CACNA1C: variants seen among roughly 807,000 people sequenced by gnomAD.
CACNA1C encodes the protein calcium voltage-gated channel subunit alpha1 C.
A neutral mutation model predicts 229.0 loss-of-function variants in CACNA1C; 30 were observed. The observed-to-expected ratio is 0.13, with a 90% CI of 0.10 to 0.18. CACNA1C has a LOEUF of 0.18. Among genes scored for constraint, CACNA1C ranks in the 10% least tolerant of loss-of-function variants. The probability of loss-of-function intolerance (pLI) is 1.00; values close to 1 mark genes in which losing one functional copy is unlikely to be tolerated. For synonymous variants in CACNA1C, 1,114 were observed against 1,132.5 expected, an observed-to-expected ratio of 0.98 and a Z score of 0.33; for missense variants, 1,658 against 2,845.0, an observed-to-expected ratio of 0.58 and a Z score of 9.49.
chr12:2,572,039 T>C (rs974389637), intron 13 of CACNA1C, among the ~76,000 whole-genome samples: 1 of 3,536 alleles, frequency 2.8e-4, no homozygotes, highest in African/African-American at 9.2e-4. Context: ...TTTCTTCTCT[T>C]TTTTTTTTTT....
At chr12:2,505,052 AG>A (rs2099768539) in intron 8 of CACNA1C, 107 bp downstream of exon 8, 21 of 683,104 alleles carry the variant, frequency 3.1e-5, no homozygotes. Context: ...ACCTGGGATA[AG>A]GGGTCACCAC....
intron 3 of CACNA1C, among the ~76,000 whole-genome samples, chr12:2,187,296 T>G (rs558803258): frequency 6.6e-6 from 1 of 152,226 alleles, no homozygotes; most frequent in African/African-American, 2.4e-5. Flanking sequence ...GGCTCGGAGT[T>G]CTAATCCACC....
chr12:2,195,868 T>C (rs753814047), intron 3 of CACNA1C, among the ~76,000 whole-genome samples: 11 of 152,204 alleles, frequency 7.2e-5, no homozygotes, highest in Non-Finnish European at 1.5e-5. Flanking sequence ...AGTCCACTCC[T>C]TCATTTTATG....
rs564654177 is a variant in CACNA1C, at chr12:2,352,215, G to A, written c.478-96761G>A. ...CACTGTGGGCCTTGGCAGAGGCACC[G>A]ACTTGAAGACATTACTTTCTTCTCC... is the stretch of plus-strand genomic sequence containing the variant. On this transcript the variant is annotated intron_variant, in intron 3 of 46. Coordinates refer to ENST00000399655, the MANE Select transcript of CACNA1C (RefSeq NM_000719.7). 4.6e-5 allele frequency among the ~76,000 whole-genome samples: 7 copies of A among 152,270 alleles called. No homozygotes were observed. The East Asian group carries it at 9.6e-4, about 21-fold the overall frequency.
At chr12:2,409,427 T>G (rs548286574) in intron 3 of CACNA1C, among the ~76,000 whole-genome samples, 2 of 152,192 alleles carry the variant, frequency 1.3e-5, no homozygotes, top group Non-Finnish European at 2.9e-5. Flanking sequence ...AAGAGCACCG[T>G]CAGACCAGGA....
chr12:2,392,946 G>A (rs2098510840), intron 3 of CACNA1C, among the ~76,000 whole-genome samples: 1 of 152,188 alleles, frequency 6.6e-6, no homozygotes, highest in Non-Finnish European at 1.5e-5. Context: ...GTGTCCGTAA[G>A]AACCCTGTGT....
intron 9 of CACNA1C, among the ~76,000 whole-genome samples, chr12:2,522,949 C>T (rs567758150): frequency 8.5e-5 from 13 of 152,150 alleles, no homozygotes; most frequent in East Asian, 1.9e-4. Flanking sequence ...TTGCTCCCTC[C>T]GTACCATGCT....
At chr12:2,425,197 G>A (rs2099017738) in intron 3 of CACNA1C, among the ~76,000 whole-genome samples, 2 of 152,224 alleles carry the variant, frequency 1.3e-5, no homozygotes, top group South Asian at 4.1e-4. Flanking sequence ...CTACTAGAAT[G>A]CTATAAGGTT....
intron 2 of CACNA1C, 106 bp downstream of exon 2, chr12:2,115,651 A>G: frequency 6.3e-6 from 7 of 1,114,858 alleles, no homozygotes; most frequent in Non-Finnish European, 9.2e-6. Context: ...CTGGGCTACA[A>G]ACGGGGCCTC....
Position 2,053,035 on chromosome 12 carries a change from TCGGCGCGGCGCGGCGGGCC to T in CACNA1C, c.-524_-506del, listed in dbSNP as rs1382472657. ...GAAACAGCTCCTGCCAGAGCGGCGCTCGGCGCGGCGCGGCGGGCCCGGAGCGGCGGCGGCGGCTCTTCCT... is the reference window on the plus strand; with the variant it reads ...GAAACAGCTCCTGCCAGAGCGGCGCTCGGAGCGGCGGCGGCGGCTCTTCCT... On this transcript the variant is annotated 5_prime_UTR_variant, in exon 1 of 47. Coordinates refer to ENST00000399655, the MANE Select transcript of CACNA1C (RefSeq NM_000719.7). This position sits in a 1 kb window ranked among gnomAD's most constrained non-coding sequence, Gnocchi z 5.8. 1 of 983,718 alleles carries T rather than the reference TCGGCGCGGCGCGGCGGGCC, an allele frequency of 1.0e-6. No homozygotes were observed. The highest frequency in any genetic ancestry group is 1.2e-6 in the Non-Finnish European group (1 of 829,380). The allele number at this position is 983,718 out of a possible 1,614,324, so 60.9% of individuals were successfully genotyped here. A position where few individuals can be genotyped will look rare whatever the true frequency, so the allele number is the denominator to read the frequency against.
chr12:2,321,167 A>G (rs2095973906), intron 3 of CACNA1C, among the ~76,000 whole-genome samples: 1 of 151,884 alleles, frequency 6.6e-6, no homozygotes. Context: ...AACTGCTTCA[A>G]ATCCTCCTAC....
At chr12:2,574,735 C>T (rs930769021) in intron 13 of CACNA1C, among the ~76,000 whole-genome samples, 1 of 152,230 alleles carries the variant, frequency 6.6e-6, no homozygotes, top group African/African-American at 2.4e-5. Context: ...CCTTCTAGCC[C>T]CCACTCTTCT....
chr12:2,448,887 C>A, intron 3 of CACNA1C, 89 bp from the exon 4 acceptor site: 2 of 1,122,020 alleles, frequency 1.8e-6, no homozygotes, highest in Non-Finnish European at 2.6e-6. Flanking sequence ...CATTATCTTC[C>A]ACCTACTTGT....
chr12:2,067,465 T>TG lies in CACNA1C; in HGVS notation c.49+13855dup, dbSNP rs1305960576. Among the ~76,000 whole-genome samples the TG allele has an allele frequency of 8.4e-6, 1 of 118,546 alleles. No homozygotes were observed. The highest frequency in any genetic ancestry group is 2.5e-4 in the East Asian group (1 of 3,932). 77.8% of individuals were successfully genotyped at this position (118,546 alleles called of 152,430 possible). A position where few individuals can be genotyped will look rare whatever the true frequency, so the allele number is the denominator to read the frequency against. On this transcript the variant is annotated intron_variant, in intron 1 of 46. Transcript: ENST00000399655. This position sits in a 1 kb window ranked among gnomAD's most constrained non-coding sequence, Gnocchi z 5.3. ...TAGGATGCACGTGTGTGTGTGTGTG[T>TG]GTGTGTGTGTGTGTGTGCGCGCGTG...
chr12:2,450,944 C>G (rs1249022785), intron 4 of CACNA1C, among the ~76,000 whole-genome samples: 1 of 152,176 alleles, frequency 6.6e-6, no homozygotes, highest in South Asian at 2.1e-4. Context: ...AGATCATTTG[C>G]AAGTTATTTC....
At chr12:2,378,803 TTC>T in intron 3 of CACNA1C, among the ~76,000 whole-genome samples, 1 of 138,560 alleles carries the variant, frequency 7.2e-6, no homozygotes, top group Non-Finnish European at 1.6e-5. Flanking sequence ...CCTTCCTTCC[TTC>T]CTTCCTTCCT....
chr12:2,023,723 CA>C (rs2046855270), intron 1 of CACNA1C, among the ~76,000 whole-genome samples: 1 of 152,154 alleles, frequency 6.6e-6, no homozygotes, highest in Non-Finnish European at 1.5e-5. Flanking sequence ...TCCAGTTTGA[CA>C]AAAATGTGCC....
chr12:2,691,325 G>A lies in CACNA1C; in HGVS notation c.*126G>A. 9.7e-7 allele frequency: 1 copy of A among 1,030,158 alleles called. No homozygotes were observed. The highest frequency in any genetic ancestry group is 1.3e-6 in the Non-Finnish European group (1 of 774,174). 63.8% of individuals were successfully genotyped at this position (1,030,158 alleles called of 1,614,324 possible). A position where few individuals can be genotyped will look rare whatever the true frequency, so the allele number is the denominator to read the frequency against. The stretch of plus-strand genomic sequence containing the variant: ...AACAGCGTCTTCATTCATTTCTGTT[G>A]GGACCAGACGCGGAGCCTGGGTGCG... On this transcript the variant is annotated 3_prime_UTR_variant, in exon 47 of 47. Coordinates refer to ENST00000399655, the MANE Select transcript of CACNA1C (RefSeq NM_000719.7).
At chr12:2,273,726 A>G (rs2086269482) in intron 3 of CACNA1C, among the ~76,000 whole-genome samples, 1 of 152,216 alleles carries the variant, frequency 6.6e-6, no homozygotes, top group South Asian at 2.1e-4. Context: ...CTAAGAGAAG[A>G]CGCTTGCAAA....
Sources: gnomAD v4.1 joint callset for allele counts (sites outside exome capture counted in the v4.1 genomes callset) on GRCh38, gnomAD v4.1.1 for gene constraint, Gnocchi (gnomAD v3.1) non-coding constraint, MANE v1.5 for transcripts, NCBI Gene and HGNC (gene_info 2026-07-23, HGNC 2026-07-21) for gene names.